Variants in NSD1 observed in about 807,000 individuals in gnomAD.
NSD1 encodes nuclear receptor binding SET domain protein 1, also known as histone-lysine N-methyltransferase, H3 lysine-36 specific.
Under a neutral mutation model 242.7 loss-of-function variants are expected in NSD1, and 26 were observed. The ratio of observed to expected loss-of-function variants is 0.11; its 90% CI spans 0.08 to 0.15. The LOEUF (loss-of-function observed/expected upper bound fraction) is 0.15, where lower values mean the gene tolerates loss of function less well. NSD1 is among the 10% of genes least tolerant of loss of function. The probability of loss-of-function intolerance (pLI) is 1.00; values close to 1 mark genes in which losing one functional copy is unlikely to be tolerated. For synonymous variants in NSD1, 1,106 were observed against 1,178.1 expected (o/e 0.94, Z 1.25); for missense variants, 2,495 against 3,272.8 (o/e 0.76, Z 5.80).
At chr5:177,181,042 CTTT>C (rs549075279) in intron 2 of NSD1, among the ~76,000 whole-genome samples, 2 of 126,904 alleles carry the variant, frequency 1.6e-5, no homozygotes, top group Non-Finnish European at 1.7e-5. Flanking sequence ...AATGTGGTTT[CTTT>C]TTTTTTTTTT....
intron 8 of NSD1, among the ~76,000 whole-genome samples, chr5:177,243,684 T>C (rs1291829747): frequency 6.6e-6 from 1 of 152,138 alleles, no homozygotes; most frequent in Non-Finnish European, 1.5e-5. Context: ...CACAGGTCTG[T>C]TGGAGCATTG....
At position 177,297,569 on chromosome 5, in the gene NSD1, G is replaced by C. The variant is rs1760328565; in HGVS notation, c.*2110G>C. ...TCATCTGTAGTTGTGATCAGAAAAA[G>C]GTATCTGCACTGCACTGTCAGAGTC... On this transcript the variant is annotated 3_prime_UTR_variant, in exon 23 of 23. Transcript: ENST00000439151. 4.4e-6 allele frequency: 1 copy of C among 225,406 alleles called. No homozygotes were observed. Among genetic ancestry groups the C allele is most frequent in the Non-Finnish European group, 8.7e-6 (1 of 115,132 alleles). The allele number at this position is 225,406 out of a possible 1,614,324, so 14.0% of individuals were successfully genotyped here.
At position 177,135,429 on chromosome 5, in the gene NSD1, C is replaced by T. The variant is rs770011547; in HGVS notation, c.326C>T (p.Thr109Met). Residue 109 changes from threonine to methionine, a missense_variant, in exon 2 of 23, where the codon ACG (threonine) becomes ATG (methionine). Thr to Met is a moderately conservative substitution (Grantham distance 81, BLOSUM62 -1). This residue lies in a region of NSD1 where 376 missense variants were observed against 367.4 expected (regional missense o/e 1.02). Transcript: ENST00000439151. ...GAAAAAAGTGATTCAAGAGCTCAGA[C>T]GCCAATTGTTTGCACTTCCTTGAGT... ...DPEKSDSRAQ[T>M]PIVCTSLSPG... 4 of 1,614,074 alleles carry T rather than the reference C, an allele frequency of 2.5e-6. No homozygotes were observed. The highest frequency in any genetic ancestry group is 1.7e-5 in the Admixed American group (1 of 59,984).
chr5:177,265,437 C>T, intron 14 of NSD1: 1 of 610,094 alleles, frequency 1.6e-6, no homozygotes, highest in Admixed American at 2.9e-5. Flanking sequence ...CATGATGTGC[C>T]CTCCCCATCC....
At chr5:177,161,828 T>C (rs2149789798) in intron 2 of NSD1, among the ~76,000 whole-genome samples, 1 of 152,060 alleles carries the variant, frequency 6.6e-6, no homozygotes, top group South Asian at 2.1e-4. Flanking sequence ...TATTTGTATT[T>C]TTAGTAGAGA....
At chr5:177,262,302 TTAAGA>T (rs576746525) in intron 14 of NSD1, among the ~76,000 whole-genome samples, 27 of 152,252 alleles carry the variant, frequency 1.8e-4, no homozygotes, top group Admixed American at 8.5e-4. Context: ...TTCCTCTTTC[TTAAGA>T]TATCACTAAA....
At chr5:177,151,896 C>T (rs1196894598) in intron 2 of NSD1, among the ~76,000 whole-genome samples, 1 of 150,176 alleles carries the variant, frequency 6.7e-6, no homozygotes, top group Non-Finnish European at 1.5e-5. Flanking sequence ...AGTCTTGCCC[C>T]ATCGCCCAGG....
chr5:177,280,293 G>A (rs1209343470), intron 17 of NSD1, among the ~76,000 whole-genome samples: 10 of 151,882 alleles, frequency 6.6e-5, no homozygotes, highest in Admixed American at 6.6e-4. Context: ...TTATTTTTTT[G>A]AGATGGAATC....
intron 14 of NSD1, among the ~76,000 whole-genome samples, chr5:177,263,605 CTG>C (rs1757165292): frequency 6.6e-6 from 1 of 152,180 alleles, no homozygotes; most frequent in Non-Finnish European, 1.5e-5. Flanking sequence ...TTTCTATTCT[CTG>C]TGATGAAGTG....
upstream of NSD1, among the ~76,000 whole-genome samples, chr5:177,133,385 C>G (rs1188128593): frequency 2.0e-5 from 3 of 152,066 alleles, no homozygotes; most frequent in Non-Finnish European, 4.4e-5. The surrounding 1 kb of genome is among the most constrained non-coding windows in gnomAD (Gnocchi z 6.2). Context: ...CGGCCCGAGG[C>G]CAGCGCCGTG....
chr5:177,275,817 A>C (rs1338959685), intron 17 of NSD1, among the ~76,000 whole-genome samples: 1 of 152,176 alleles, frequency 6.6e-6, no homozygotes, highest in Non-Finnish European at 1.5e-5. Context: ...TGAATTAGTA[A>C]GTTGTTACAA....
chr5:177,185,474 T>A (rs1316077706), intron 2 of NSD1, among the ~76,000 whole-genome samples: 1 of 151,026 alleles, frequency 6.6e-6, no homozygotes, highest in Non-Finnish European at 1.5e-5. Flanking sequence ...GGCAGGCGCC[T>A]GTAATCCCAG....
At chr5:177,167,492 G>A (rs181600951) in intron 2 of NSD1, among the ~76,000 whole-genome samples, 4 of 151,758 alleles carry the variant, frequency 2.6e-5, no homozygotes, top group East Asian at 1.9e-4. Flanking sequence ...CCGAGATCGC[G>A]CCATTGCACT....
rs551729992 is a variant in NSD1 at position 177,167,547 on chromosome 5, A to AT, written c.928-24337_928-24336insT. The stretch of plus-strand genomic sequence containing the variant: ...CAAAACTCTATCTCAAAAAAAAAAA[A>AT]ATATATTTGTGAGGCTTTATTTCTG... On this transcript the variant is annotated intron_variant, in intron 2 of 22. Transcript: ENST00000439151. Among the ~76,000 whole-genome samples, 17 of 152,200 alleles carry AT rather than the reference A, an allele frequency of 1.1e-4. No homozygotes were observed. The South Asian group carries it at 2.3e-3, about 20-fold the overall frequency.
At chr5:177,168,239 A>G (rs1759368399) in intron 2 of NSD1, among the ~76,000 whole-genome samples, 1 of 152,152 alleles carries the variant, frequency 6.6e-6, no homozygotes, top group South Asian at 2.1e-4. Context: ...ACAGTTGTTA[A>G]TTCCCACAGT....
chr5:177,245,632 C>CTTTTTT (rs540362237), intron 9 of NSD1, among the ~76,000 whole-genome samples: 1 of 134,656 alleles, frequency 7.4e-6, no homozygotes, highest in Non-Finnish European at 1.6e-5. Context: ...GAATTTCTTT[C>CTTTTTT]TTTTTTTTTT....
At chr5:177,259,948 TTTTG>T (rs1370738880) in intron 13 of NSD1, 37 bp from the exon 14 acceptor site, 5 of 1,607,806 alleles carry the variant, frequency 3.1e-6, no homozygotes, top group Non-Finnish European at 4.3e-6. Context: ...TATTTAATAT[TTTTG>T]TTTTTCTTTT....
chr5:177,171,501 T>C (rs10035180), intron 2 of NSD1, among the ~76,000 whole-genome samples: 54,728 of 152,000 alleles, frequency 0.36, 13,151 homozygotes, highest in African/African-American at 0.68. Context: ...AGGTTTATCC[T>C]TATTTAGCAT....
intron 2 of NSD1, among the ~76,000 whole-genome samples, chr5:177,152,988 G>T (rs1303635150): frequency 6.6e-6 from 1 of 151,800 alleles, no homozygotes; most frequent in Admixed American, 6.6e-5. Context: ...GCCCTTCCCA[G>T]GTTTTATATT....
Sources: gnomAD v4.1 joint callset for allele counts (sites outside exome capture counted in the v4.1 genomes callset) on GRCh38, gnomAD v4.1.1 for gene constraint, gnomAD v4.1.1 regional missense constraint, Gnocchi (gnomAD v3.1) non-coding constraint, MANE v1.5 for transcripts, NCBI Gene and HGNC (gene_info 2026-07-23, HGNC 2026-07-21) for gene names.